The following APELA variants were observed in gnomAD, a reference collection of about 807,000 sequenced individuals.
APELA encodes protein Elabela.
intron 2 of APELA, among the ~76,000 whole-genome samples, chr4:164,884,564 T>C (rs1730732130): frequency 6.6e-6 from 1 of 152,198 alleles, no homozygotes; most frequent in South Asian, 2.1e-4. Context: ...CCCCCTTGCC[T>C]GTCCCAGAGG....
At chr4:164,885,195 A>T (rs543589225) in intron 2 of APELA, among the ~76,000 whole-genome samples, 1 of 152,024 alleles carries the variant, frequency 6.6e-6, no homozygotes, top group Admixed American at 6.6e-5. Context: ...CAGTGGTGTG[A>T]TCTCAGCTCA....
At chr4:164,885,876 C>G (rs73871525) in intron 2 of APELA, among the ~76,000 whole-genome samples, 3,683 of 152,208 alleles carry the variant, frequency 0.024, 137 homozygotes, top group African/African-American at 0.084. Context: ...ATGGAACTAT[C>G]ATTTTCTATC....
In APELA at chr4:164,897,068, C is replaced by A. The variant is rs921946651; in HGVS notation, c.*1654C>A. On this transcript the variant is annotated 3_prime_UTR_variant, in exon 3 of 3. Coordinates refer to ENST00000507152, the MANE Select transcript of APELA (RefSeq NM_001297550.2). ...ATACTGGGATTACAGGCATGTGCCA[C>A]CATGCTGGGCCACAAGTTCATATCT... 2 of 152,154 alleles carry A rather than the reference C, an allele frequency of 1.3e-5. No individual in the cohort carries two copies. The highest frequency in any genetic ancestry group is 4.8e-5 in the African/African-American group (2 of 41,430). 9.4% of individuals were successfully genotyped at this position (152,154 alleles called of 1,614,324 possible).
intron 2 of APELA, among the ~76,000 whole-genome samples, chr4:164,884,121 G>GAAAGAGAAAGAA (rs5863729): frequency 8.8e-6 from 1 of 113,290 alleles, no homozygotes; most frequent in Admixed American, 9.2e-5. Context: ...AAGAAAGAAA[G>GAAAGAGAAAGAA]AGAAAGAAAG....
chr4:164,882,802 G>T (rs1579107645), intron 2 of APELA, among the ~76,000 whole-genome samples: 1 of 151,708 alleles, frequency 6.6e-6, no homozygotes, highest in Admixed American at 6.6e-5. Flanking sequence ...TGTGTCCATG[G>T]GTTCTCATTG....
At chr4:164,890,374 C>A (rs1336201151) in intron 2 of APELA, among the ~76,000 whole-genome samples, 3 of 152,108 alleles carry the variant, frequency 2.0e-5, no homozygotes, top group African/African-American at 7.2e-5. Flanking sequence ...CATAAAGAAA[C>A]CCCATTCTCA....
At chr4:164,886,563 C>T (rs1196174412) in intron 2 of APELA, among the ~76,000 whole-genome samples, 1 of 152,018 alleles carries the variant, frequency 6.6e-6, no homozygotes, top group Non-Finnish European at 1.5e-5. Flanking sequence ...GGGAGGATTG[C>T]TTGAGCCGAG....
Position 164,880,023 on chromosome 4 carries a change from C to T in APELA, c.*1+1014C>T, listed in dbSNP as rs577670620. ...AACACTGTCCAAGTTTAAGTCACTT[C>T]ATACTAAAAAATACACAGTTTGGCA... On this transcript the variant is annotated intron_variant, in intron 2 of 2. Transcript: ENST00000507152. 3.9e-5 allele frequency among the ~76,000 whole-genome samples: 6 copies of T among 152,304 alleles called. No homozygotes were observed. The East Asian group carries it at 1.2e-3, about 29-fold the overall frequency.
At chr4:164,877,973 AT>A (rs932989249) in intron 1 of APELA, among the ~76,000 whole-genome samples, 2 of 152,154 alleles carry the variant, frequency 1.3e-5, no homozygotes, top group Admixed American at 6.5e-5. Flanking sequence ...AGCATCAAAA[AT>A]ATGTATGATA....
intron 2 of APELA, among the ~76,000 whole-genome samples, chr4:164,887,417 G>A (rs1264219794): frequency 1.3e-5 from 2 of 151,658 alleles, no homozygotes; most frequent in Admixed American, 6.6e-5. Flanking sequence ...CTGGATCATC[G>A]TGTCAACTTG....
intron 1 of APELA, among the ~76,000 whole-genome samples, chr4:164,878,155 G>C (rs1260301562): frequency 2.0e-5 from 2 of 102,048 alleles, no homozygotes; most frequent in Non-Finnish European, 4.0e-5. Context: ...AGAAAGAAAA[G>C]AGAGAAAAGA....
chr4:164,890,450 C>T (rs1278298489), intron 2 of APELA, among the ~76,000 whole-genome samples: 1 of 152,182 alleles, frequency 6.6e-6, no homozygotes, highest in Non-Finnish European at 1.5e-5. Flanking sequence ...TACTTTCTGT[C>T]TCTATAGATT....
At chr4:164,879,093 A>G in intron 2 of APELA, 84 bp downstream of exon 2, 1 of 397,898 alleles carries the variant, frequency 2.5e-6, no homozygotes, top group African/African-American at 2.1e-5. Flanking sequence ...CACAGTTTGT[A>G]ATATGTGATA....
At position 164,878,329 on chromosome 4, in the gene APELA, A is replaced by T. The variant is rs149841773; in HGVS notation, c.77-591A>T. ...TATTCACTTGATAATATACTTCTTC[A>T]GTTAGAACAGAAAACGATGCATCAC... On this transcript the variant is annotated intron_variant, in intron 1 of 2. Transcript: ENST00000507152. Among the ~76,000 whole-genome samples the T allele has an allele frequency of 3.0e-3, 461 of 152,336 alleles. 1 individual carries two copies. The highest frequency in any genetic ancestry group is 0.011 in the African/African-American group (450 of 41,588).
At chr4:164,878,136 A>G (rs1477675348) in intron 1 of APELA, among the ~76,000 whole-genome samples, 1 of 115,422 alleles carries the variant, frequency 8.7e-6, no homozygotes, top group Non-Finnish European at 2.0e-5. Context: ...AGTAAGTTTG[A>G]AAAAAAAAAG....
In APELA at chr4:164,877,372, T is replaced by G; in HGVS notation, c.41T>G (p.Ile14Ser). ...QQFLFAFFIF[I>S]MSLLLISGQR... ...TTCCTTTTTGCATTTTTTATTTTTA[T>G]TATGAGTCTTCTCCTTATCAGCGGA... Residue 14 changes from isoleucine to serine, a missense_variant, in exon 1 of 3, where the codon ATT becomes AGT. Coordinates refer to ENST00000507152, the MANE Select transcript of APELA (RefSeq NM_001297550.2). 2.5e-6 allele frequency: 1 copy of G among 399,036 alleles called. No individual in the cohort carries two copies. Among genetic ancestry groups the G allele is most frequent in the Admixed American group, 4.4e-5 (1 of 22,734 alleles). The allele number at this position is 399,036 out of a possible 1,614,324, so 24.7% of individuals were successfully genotyped here. A position where few individuals can be genotyped will look rare whatever the true frequency, so the allele number is the denominator to read the frequency against.
At chr4:164,894,891 T>C (rs1487476925) in intron 2 of APELA, among the ~76,000 whole-genome samples, 1 of 152,208 alleles carries the variant, frequency 6.6e-6, no homozygotes, top group Non-Finnish European at 1.5e-5. Flanking sequence ...AAGAGGTATC[T>C]CTATATTTGT....
chr4:164,879,077 T>C lies in APELA; in HGVS notation c.*1+68T>C, dbSNP rs116358222. 581 of 398,606 alleles carry C rather than the reference T, an allele frequency of 1.5e-3. 3 individuals are homozygous for C. The highest frequency in any genetic ancestry group is 2.2e-3 in the Non-Finnish European group (506 of 225,794). 24.7% of individuals were successfully genotyped at this position (398,606 alleles called of 1,614,324 possible). A position where few individuals can be genotyped will look rare whatever the true frequency, so the allele number is the denominator to read the frequency against. On this transcript the variant is annotated intron_variant, in intron 2 of 2. Coordinates refer to ENST00000507152, the MANE Select transcript of APELA (RefSeq NM_001297550.2). ...TCCAAATTAGATATACCAGGAAATG[T>C]TTCTTCACAGTTTGTAATATGTGAT...
In APELA at chr4:164,879,020, C is replaced by T. The variant is rs937629399; in HGVS notation, c.*1+11C>T. ...TACCCTTTCCCTGAGGTATTTCTGA[C>T]AGAAAATAGATTCGCTACATTTAGG... On this transcript the variant is annotated intron_variant, in intron 2 of 2. Transcript: ENST00000507152. The T allele has an allele frequency of 2.5e-6, 1 of 398,912 alleles. No homozygotes were observed. The highest frequency in any genetic ancestry group is 4.4e-6 in the Non-Finnish European group (1 of 226,024). 24.7% of individuals were successfully genotyped at this position (398,912 alleles called of 1,614,324 possible).
Sources: allele counts gnomAD v4.1 joint callset (sites outside exome capture counted in the v4.1 genomes callset), GRCh38; gene constraint gnomAD v4.1.1; transcripts MANE v1.5; gene names NCBI Gene and HGNC (gene_info 2026-07-23, HGNC 2026-07-21).